Variants in GMDS observed in about 807,000 individuals in gnomAD.
GMDS encodes the protein GDP-mannose 4,6 dehydratase.
In GMDS, 20 loss-of-function variants were observed where a neutral mutation model predicts 49.9. The observed-to-expected ratio is 0.40, with a 90% confidence interval of 0.28 to 0.58. The LOEUF (loss-of-function observed/expected upper bound fraction) is 0.58, where lower values mean the gene tolerates loss of function less well. Among genes scored for constraint, GMDS ranks in the 20% least tolerant of loss-of-function variants. GMDS has a pLI of 0.42. For synonymous variants in GMDS, 177 were observed against 178.6 expected (o/e 0.99, Z 0.07); for missense variants, 362 against 481.4 (o/e 0.75, Z 2.32).
chr6:1,834,552 T>C (rs1273034586), intron 7 of GMDS, among the ~76,000 whole-genome samples: 1 of 152,162 alleles, frequency 6.6e-6, no homozygotes, highest in Non-Finnish European at 1.5e-5. Context: ...TAAGATTTGG[T>C]TTAAGCATCA....
At chr6:1,823,224 T>C (rs576601653) in intron 7 of GMDS, among the ~76,000 whole-genome samples, 3 of 152,362 alleles carry the variant, frequency 2.0e-5, no homozygotes, top group Non-Finnish European at 4.4e-5. Flanking sequence ...CACAGCATGG[T>C]AGTTACTACT....
chr6:1,660,890 C>T (rs1764050015), intron 9 of GMDS, among the ~76,000 whole-genome samples: 1 of 150,924 alleles, frequency 6.6e-6, no homozygotes, highest in Non-Finnish European at 1.5e-5. Flanking sequence ...AGCATAGTTC[C>T]ACAGGTTTGT....
At chr6:2,244,742 A>C (rs1781781271) in intron 1 of GMDS, among the ~76,000 whole-genome samples, 1 of 152,048 alleles carries the variant, frequency 6.6e-6, no homozygotes, top group African/African-American at 2.4e-5. Flanking sequence ...GCGTGATTTT[A>C]AAAAGTTTTT....
chr6:2,172,223 T>C (rs1218684710), intron 1 of GMDS, among the ~76,000 whole-genome samples: 2 of 152,134 alleles, frequency 1.3e-5, no homozygotes, highest in Non-Finnish European at 1.5e-5. Flanking sequence ...AATGAGATAC[T>C]ACCTCTCAAA....
At chr6:1,747,550 A>G (rs3800035) in intron 7 of GMDS, among the ~76,000 whole-genome samples, 84,425 of 151,904 alleles carry the variant, frequency 0.56, 24,150 homozygotes, top group African/African-American at 0.68. Flanking sequence ...CATGTATGAA[A>G]TAACTCTAAT....
intron 9 of GMDS, among the ~76,000 whole-genome samples, chr6:1,711,288 C>T (rs941287098): frequency 2.0e-5 from 3 of 152,212 alleles, no homozygotes; most frequent in Non-Finnish European, 2.9e-5. Context: ...CAGAGTCCTA[C>T]GTTTCCAGGG....
At chr6:1,995,679 T>G (rs1234320659) in intron 4 of GMDS, among the ~76,000 whole-genome samples, 1 of 152,168 alleles carries the variant, frequency 6.6e-6, no homozygotes, top group Non-Finnish European at 1.5e-5. Flanking sequence ...TTCAACCACA[T>G]GCAGGCAGAT....
Position 1,742,582 on chromosome 6 carries a change from A to G in GMDS, c.776T>C (p.Met259Thr), listed in dbSNP as rs771837394. The G allele has an allele frequency of 1.8e-5, 28 of 1,572,016 alleles. No homozygotes were observed. Among genetic ancestry groups the G allele is most frequent in the Admixed American group, 1.7e-5 (1 of 59,862 alleles). The part of the protein sequence containing the change: ...WGHAKDYVEA[M>T]WLMLQNDEPE... ...CTCATCATTCTGCAACATCAACCAC[A>G]TAGCCTAGAGGGAAAGAGAGGCAAG... The change falls in exon 8 of 11, where the codon ATG (methionine) becomes ACG (threonine). Residue 259 changes from methionine (M) to threonine (T), a missense_variant. Physicochemically the swap from Met to Thr is moderately conservative, Grantham distance 81 (BLOSUM62 -1). Coordinates refer to ENST00000380815, the MANE Select transcript of GMDS (RefSeq NM_001500.4).
At chr6:1,784,631 G>T (rs571120526) in intron 7 of GMDS, among the ~76,000 whole-genome samples, 1 of 152,176 alleles carries the variant, frequency 6.6e-6, no homozygotes, top group African/African-American at 2.4e-5. Context: ...GAAACTTTTG[G>T]ACTTACTGCT....
At chr6:1,737,646 TAC>T (rs1352979999) in intron 8 of GMDS, among the ~76,000 whole-genome samples, 1 of 115,524 alleles carries the variant, frequency 8.7e-6, no homozygotes, top group African/African-American at 3.5e-5. Flanking sequence ...CACACATACA[TAC>T]ACATACACAC....
rs566590395 is a variant in GMDS at position 1,772,781 on chromosome 6, G to A, written c.772-30195C>T. The stretch of plus-strand genomic sequence containing the variant: ...ACAAGCATGGACTCAGGGTCGCTTC[G>A]CTTCCTCTCCACTGTTCTGTAGGTG... On this transcript the variant is annotated intron_variant, in intron 7 of 10. Transcript: ENST00000380815. 9.2e-5 allele frequency among the ~76,000 whole-genome samples: 14 copies of A among 152,302 alleles called. No individual in the cohort carries two copies. In the South Asian group the frequency reaches 2.7e-3, roughly 29 times the overall value.
At chr6:1,861,985 A>C (rs151145180) in intron 7 of GMDS, among the ~76,000 whole-genome samples, 20 of 152,364 alleles carry the variant, frequency 1.3e-4, no homozygotes, top group Middle Eastern at 3.4e-3. Context: ...AGAACAACGG[A>C]ATTACCCAAA....
chr6:1,834,954 C>T (rs930394984), intron 7 of GMDS, among the ~76,000 whole-genome samples: 2 of 152,132 alleles, frequency 1.3e-5, no homozygotes, highest in Non-Finnish European at 2.9e-5. Flanking sequence ...TTCAGTTTCA[C>T]GGAGAATGTT....
At chr6:1,782,411 A>G (rs1370458422) in intron 7 of GMDS, among the ~76,000 whole-genome samples, 2 of 152,234 alleles carry the variant, frequency 1.3e-5, no homozygotes, top group African/African-American at 2.4e-5. Context: ...CATTTTTATT[A>G]TCTCATCAGA....
In GMDS at chr6:2,008,296, GTTTCT is replaced by G. The variant is rs548707166; in HGVS notation, c.346-47335_346-47331del. 3.2e-4 allele frequency among the ~76,000 whole-genome samples: 49 copies of G among 152,214 alleles called. No individual in the cohort carries two copies. In the East Asian group the frequency reaches 9.5e-3, roughly 29 times the overall value. On this transcript the variant is annotated intron_variant, in intron 4 of 10. Transcript: ENST00000380815. ...AAATGTAAAATTTCTTGTTAGGATT[GTTTCT>G]TTTATTTATTCTTGATGAAAAACAA...
At chr6:2,099,813 A>T (rs566475332) in intron 4 of GMDS, among the ~76,000 whole-genome samples, 2 of 152,124 alleles carry the variant, frequency 1.3e-5, no homozygotes, top group Non-Finnish European at 2.9e-5. Context: ...TTATATGCTA[A>T]TATCTGACAA....
chr6:2,150,269 G>A lies in GMDS; in HGVS notation c.103-25538C>T, dbSNP rs115909711. On this transcript the variant is annotated intron_variant, in intron 1 of 10. Transcript: ENST00000380815. Reference sequence around the variant, plus strand: ...GAAATAAATTAATGATTTCACTAAGGCCAGATGCAGTGGTTCATGACTCTA... The same window carrying A: ...GAAATAAATTAATGATTTCACTAAGACCAGATGCAGTGGTTCATGACTCTA... Among the ~76,000 whole-genome samples the A allele has an allele frequency of 8.3e-3, 1,269 of 152,190 alleles. 17 individuals are homozygous for A. The highest frequency in any genetic ancestry group is 0.029 in the African/African-American group (1,201 of 41,506).
At chr6:2,140,829 T>C (rs1176523441) in intron 1 of GMDS, among the ~76,000 whole-genome samples, 1 of 152,192 alleles carries the variant, frequency 6.6e-6, no homozygotes, top group Non-Finnish European at 1.5e-5. Flanking sequence ...CCTGTGACCC[T>C]GGATTCAGGG....
At chr6:2,044,542 A>G (rs1769881945) in intron 4 of GMDS, among the ~76,000 whole-genome samples, 3 of 152,148 alleles carry the variant, frequency 2.0e-5, no homozygotes, top group Admixed American at 6.5e-5. Flanking sequence ...GAGGAAAACA[A>G]CAGACACTGG....
Sources: allele counts gnomAD v4.1 joint callset (sites outside exome capture counted in the v4.1 genomes callset), GRCh38; gene constraint gnomAD v4.1.1; transcripts MANE v1.5; gene names NCBI Gene and HGNC (gene_info 2026-07-23, HGNC 2026-07-21).